The following ERP29 variants were observed in gnomAD, a reference collection of about 807,000 sequenced individuals.
ERP29 encodes endoplasmic reticulum resident protein 29.
Under a neutral mutation model 21.7 loss-of-function variants are expected in ERP29, and 14 were observed. That is an observed-to-expected ratio of 0.64 (90% confidence interval 0.43 to 1.01). The LOEUF (loss-of-function observed/expected upper bound fraction) is 1.01. Among genes scored for constraint, ERP29 ranks in the 50% least tolerant of loss-of-function variants. ERP29 has a pLI of 0.00. For missense variants in ERP29, 286 were observed against 327.3 expected, an observed-to-expected ratio of 0.87 and a Z score of 0.97; for synonymous variants, 129 against 139.1, an observed-to-expected ratio of 0.93 and a Z score of 0.51.
chr12:112,018,038 G>T (rs1202784416), intron 1 of ERP29, among the ~76,000 whole-genome samples: 2 of 152,034 alleles, frequency 1.3e-5, no homozygotes, highest in East Asian at 3.9e-4. Flanking sequence ...ACCCATCTCA[G>T]CCTCCCAGAG....
At chr12:112,016,780 A>G (rs758536251) in intron 1 of ERP29, among the ~76,000 whole-genome samples, 1 of 152,098 alleles carries the variant, frequency 6.6e-6, no homozygotes, top group Non-Finnish European at 1.5e-5. Flanking sequence ...AGTCCCAGCT[A>G]CTTGGGAGGC....
intron 1 of ERP29, among the ~76,000 whole-genome samples, chr12:112,015,893 G>A (rs1449542036): frequency 6.6e-6 from 1 of 152,102 alleles, no homozygotes; most frequent in Non-Finnish European, 1.5e-5. Flanking sequence ...GTTGTTCCTT[G>A]TGACTGGAAT....
At position 112,022,814 on chromosome 12, in the gene ERP29, C is replaced by T; in HGVS notation, c.*162C>T. Reference sequence around the variant, plus strand: ...GCCTGGACATTGATGCTAACATGACCATGCTTGGGATGTCTCTAGCTGGTC... The same window carrying T: ...GCCTGGACATTGATGCTAACATGACTATGCTTGGGATGTCTCTAGCTGGTC... On this transcript the variant is annotated 3_prime_UTR_variant, in exon 3 of 3. Coordinates refer to ENST00000261735, the MANE Select transcript of ERP29 (RefSeq NM_006817.4). 1 of 705,538 alleles carries T rather than the reference C, an allele frequency of 1.4e-6. No homozygotes were observed. The highest frequency in any genetic ancestry group is 2.3e-6 in the Non-Finnish European group (1 of 432,974). 43.7% of individuals were successfully genotyped at this position (705,538 alleles called of 1,614,324 possible).
At chr12:112,017,323 G>C (rs1032358375) in intron 1 of ERP29, among the ~76,000 whole-genome samples, 17 of 152,164 alleles carry the variant, frequency 1.1e-4, no homozygotes, top group Admixed American at 1.0e-3. Context: ...GGATTTCAGA[G>C]AGTGAGTAAT....
Position 112,022,604 on chromosome 12 carries a change from C to A in ERP29, c.738C>A (p.Asn246Lys), listed in dbSNP as rs997584842. Residue 246 changes from asparagine (N) to lysine (K), a missense_variant, in exon 3 of 3, where the codon AAC (asparagine) becomes AAA (lysine). Physicochemically the swap from Asn to Lys is moderately conservative, Grantham distance 94. Coordinates refer to ENST00000261735, the MANE Select transcript of ERP29 (RefSeq NM_006817.4). ...GKKEELQKSL[N>K]ILTAFQKKGA... ...AGGAGGAGCTCCAGAAGAGCTTAAA[C>A]ATCCTGACTGCCTTCCAGAAGAAGG... is the stretch of plus-strand genomic sequence containing the variant. The A allele has an allele frequency of 6.2e-7, 1 of 1,613,416 alleles. No individual in the cohort carries two copies. The highest frequency in any genetic ancestry group is 1.7e-5 in the Admixed American group (1 of 59,908).
At chr12:112,016,000 TC>T (rs149604161) in intron 1 of ERP29, among the ~76,000 whole-genome samples, 1 of 152,184 alleles carries the variant, frequency 6.6e-6, no homozygotes, top group Non-Finnish European at 1.5e-5. Flanking sequence ...TGATTTATCT[TC>T]CCCCCAGTCT....
chr12:112,019,231 GA>G (rs781260652), intron 1 of ERP29: 1 of 185,872 alleles, frequency 5.4e-6, no homozygotes, highest in Non-Finnish European at 1.1e-5. Flanking sequence ...AGTCTAGGGA[GA>G]AGACATTGTC....
In ERP29 at chr12:112,023,348, T is replaced by C. The variant is rs924365879; in HGVS notation, c.*696T>C. Reference sequence around the variant, plus strand: ...GACTTGGATTTACACAGCTAAATGATATAGTCCGATTTCAAAATTAAAAAA... The same window carrying C: ...GACTTGGATTTACACAGCTAAATGACATAGTCCGATTTCAAAATTAAAAAA... On this transcript the variant is annotated 3_prime_UTR_variant, in exon 3 of 3. Transcript: ENST00000261735. 1.3e-5 allele frequency: 2 copies of C among 152,246 alleles called. No individual in the cohort carries two copies. Among genetic ancestry groups the C allele is most frequent in the Admixed American group, 6.5e-5 (1 of 15,286 alleles). 9.4% of individuals were successfully genotyped at this position (152,246 alleles called of 1,614,324 possible). A position where few individuals can be genotyped will look rare whatever the true frequency, so the allele number is the denominator to read the frequency against.
chr12:112,020,329 A>T (rs1260138717), intron 2 of ERP29, among the ~76,000 whole-genome samples: 1 of 152,148 alleles, frequency 6.6e-6, no homozygotes, highest in Non-Finnish European at 1.5e-5. Flanking sequence ...CCACTAATCC[A>T]AGGGCACCTC....
chr12:112,016,706 C>T (rs577210449), intron 1 of ERP29, among the ~76,000 whole-genome samples: 12 of 152,150 alleles, frequency 7.9e-5, no homozygotes, highest in South Asian at 2.1e-4. Context: ...CTGGCTAACA[C>T]GGTGAAACCC....
intron 2 of ERP29, among the ~76,000 whole-genome samples, chr12:112,021,634 C>A (rs931669572): frequency 1.4e-5 from 2 of 140,764 alleles, no homozygotes; most frequent in African/African-American, 5.4e-5. Context: ...AGCGATTCTT[C>A]TGCCTCAGCC....
chr12:112,021,937 C>T (rs1565989514), intron 2 of ERP29, among the ~76,000 whole-genome samples: 1 of 152,112 alleles, frequency 6.6e-6, no homozygotes, highest in Non-Finnish European at 1.5e-5. Context: ...AGATGAAGAA[C>T]AGTTCAGAGA....
At position 112,022,734 on chromosome 12, in the gene ERP29, T is replaced by A; in HGVS notation, c.*82T>A. The A allele has an allele frequency of 7.1e-7, 1 of 1,406,658 alleles. No homozygotes were observed. The highest frequency in any genetic ancestry group is 9.6e-7 in the Non-Finnish European group (1 of 1,042,520). The allele number at this position is 1,406,658 out of a possible 1,614,324, so 87.1% of individuals were successfully genotyped here. On this transcript the variant is annotated 3_prime_UTR_variant, in exon 3 of 3. Coordinates refer to ENST00000261735, the MANE Select transcript of ERP29 (RefSeq NM_006817.4). The stretch of plus-strand genomic sequence containing the variant: ...TGCTGGCTGTGAGTCCCTTGTGGAA[T>A]ATAAGGGGGTAGTGGGAAAAGTGGT...
intron 2 of ERP29, among the ~76,000 whole-genome samples, chr12:112,020,849 ACTATTAC>A (rs1403311032): frequency 6.6e-6 from 1 of 152,220 alleles, no homozygotes; most frequent in Non-Finnish European, 1.5e-5. Context: ...CCCATGTGGT[ACTATTAC>A]CTCCATTTTT....
Position 112,019,762 on chromosome 12 carries a change from C to T in ERP29, c.151C>T (p.Pro51Ser). Residue 51 changes from proline (P) to serine (S), a missense_variant, in exon 2 of 3, where the codon CCC (proline) becomes TCC (serine). By Grantham distance (74) the Pro-to-Ser change is moderately conservative. Transcript: ENST00000261735. ...CAGCTCTATACGCCCTCAGGTCATT[C>T]CCAAAAGCAAGTTCGTCTTGGTGAA... The part of the protein sequence containing the change: ...LDTVTFYKVI[P>S]KSKFVLVKFD... 6.2e-7 allele frequency: 1 copy of T among 1,614,106 alleles called. No individual in the cohort carries two copies. The highest frequency in any genetic ancestry group is 8.5e-7 in the Non-Finnish European group (1 of 1,180,018).
chr12:112,022,396 GCCA>G lies in ERP29; in HGVS notation c.531_533del (p.Gln178del). The G allele has an allele frequency of 6.2e-7, 1 of 1,614,152 alleles. No individual in the cohort carries two copies. Among genetic ancestry groups the G allele is most frequent in the Non-Finnish European group, 8.5e-7 (1 of 1,180,022 alleles). On this transcript the variant is annotated inframe_deletion, in exon 3 of 3. Transcript: ENST00000261735. ...ATCAGGGCCTCTGGTGTGGAGGCCCGCCAGGCCCTCTTGAAGCAGGGGCAAGAT... is the reference window on the plus strand; with the variant it reads ...ATCAGGGCCTCTGGTGTGGAGGCCCGGGCCCTCTTGAAGCAGGGGCAAGAT...
At chr12:112,020,899 G>A (rs967953137) in intron 2 of ERP29, among the ~76,000 whole-genome samples, 13 of 152,178 alleles carry the variant, frequency 8.5e-5, no homozygotes, top group Non-Finnish European at 1.9e-4. Context: ...AGAGTAACTT[G>A]CTCAAGATTG....
chr12:112,017,359 A>G (rs534731770), intron 1 of ERP29, among the ~76,000 whole-genome samples: 4 of 152,340 alleles, frequency 2.6e-5, no homozygotes, highest in African/African-American at 9.6e-5. Context: ...CAGCAGGGTA[A>G]TGATAGCAGG....
chr12:112,015,488 CAA>C (rs755075555), intron 1 of ERP29, among the ~76,000 whole-genome samples: 6 of 133,612 alleles, frequency 4.5e-5, no homozygotes, highest in African/African-American at 8.3e-5. Flanking sequence ...AACTCTGTCT[CAA>C]AAAAAAAAAA....
Sources: gnomAD v4.1 joint callset for allele counts (sites outside exome capture counted in the v4.1 genomes callset) on GRCh38, gnomAD v4.1.1 for gene constraint, MANE v1.5 for transcripts, NCBI Gene and HGNC (gene_info 2026-07-23, HGNC 2026-07-21) for gene names.